The following SYPL2 variants were observed in gnomAD, a reference collection of about 807,000 sequenced individuals.
The protein encoded by SYPL2 is synaptophysin like 2.
Under a neutral mutation model 31.3 loss-of-function variants are expected in SYPL2, and 24 were observed. The observed-to-expected ratio is 0.77, with a 90% CI of 0.56 to 1.08. The LOEUF is 1.08. SYPL2 is among the 50% of genes least tolerant of loss of function. The pLI is 0.00. For synonymous variants in SYPL2, 144 were observed against 143.1 expected (o/e 1.01, Z -0.05); for missense variants, 342 against 360.1 (o/e 0.95, Z 0.41).
intron 2 of SYPL2, among the ~76,000 whole-genome samples, chr1:109,470,986 T>C (rs966180039): frequency 6.6e-6 from 1 of 152,232 alleles, no homozygotes; most frequent in African/African-American, 2.4e-5. Context: ...ATAGGTGTTA[T>C]TCGTCTTCAT....
intron 4 of SYPL2, among the ~76,000 whole-genome samples, chr1:109,477,571 G>A (rs1265535785): frequency 6.6e-6 from 1 of 152,134 alleles, no homozygotes; most frequent in Non-Finnish European, 1.5e-5. Flanking sequence ...GCTGACCAAC[G>A]ATGCCTTGGT....
rs1655655293 is a variant in SYPL2 at position 109,466,860 on chromosome 1, GCGCCGGCCGCA to G, written c.20_30del (p.Ala7GlyfsTer82). 1.3e-6 allele frequency: 2 copies of G among 1,528,888 alleles called. No individual in the cohort carries two copies. The highest frequency in any genetic ancestry group is 2.8e-5 in the African/African-American group (2 of 71,830). The allele number at this position is 1,528,888 out of a possible 1,614,324, so 94.7% of individuals were successfully genotyped here. A position where few individuals can be genotyped will look rare whatever the true frequency, so the allele number is the denominator to read the frequency against. On this transcript the variant is annotated frameshift_variant, in exon 1 of 6. Transcript: ENST00000369872. LOFTEE classifies it high-confidence loss of function. The stretch of plus-strand genomic sequence containing the variant: ...CGCGCCAGCATGTCCTCGACCGAGA[GCGCCGGCCGCA>G]CGGCGGACAAGTCGCCGCGCCAGCA...
At chr1:109,468,527 C>T (rs1359802065) in intron 2 of SYPL2, among the ~76,000 whole-genome samples, 3 of 152,162 alleles carry the variant, frequency 2.0e-5, no homozygotes, top group Non-Finnish European at 4.4e-5. Context: ...TGCCTTTGGC[C>T]CCTTCCCTGT....
At chr1:109,470,817 C>A (rs1392876615) in intron 2 of SYPL2, among the ~76,000 whole-genome samples, 1 of 152,206 alleles carries the variant, frequency 6.6e-6, no homozygotes, top group Non-Finnish European at 1.5e-5. Context: ...CCCCAAGGCA[C>A]AGAGCTACTC....
In SYPL2 at chr1:109,479,390, A is replaced by C; in HGVS notation, c.661A>C (p.Ile221Leu). 2 of 1,613,650 alleles carry C rather than the reference A, an allele frequency of 1.2e-6. No individual in the cohort carries two copies. Among genetic ancestry groups the C allele is most frequent in the Non-Finnish European group, 1.7e-6 (2 of 1,179,942 alleles). ...LANISVLFGF[I>L]NFFLWAGNCW... ...GATGTCTTTGCAGCTCTTTGGCTTT[A>C]TCAACTTCTTCCTGTGGGCCGGGAA... is the stretch of plus-strand genomic sequence containing the variant. The change falls in exon 6 of 6, where the codon ATC becomes CTC. Residue 221 changes from isoleucine (I) to leucine (L), a missense_variant. By Grantham distance (5) the Ile-to-Leu change is conservative. Transcript: ENST00000369872.
chr1:109,474,661 A>G (rs572583038), intron 2 of SYPL2, among the ~76,000 whole-genome samples: 2 of 152,214 alleles, frequency 1.3e-5, no homozygotes, highest in East Asian at 3.9e-4. Flanking sequence ...TTTTCTAACC[A>G]AAGTGTGTTT....
Position 109,478,157 on chromosome 1 carries a change from C to T in SYPL2, c.648+148C>T, listed in dbSNP as rs1656058842. 1 of 1,433,350 alleles carries T rather than the reference C, an allele frequency of 7.0e-7. No individual in the cohort carries two copies. The highest frequency in any genetic ancestry group is 1.4e-5 in the African/African-American group (1 of 69,834). 88.8% of individuals were successfully genotyped at this position (1,433,350 alleles called of 1,614,324 possible). The stretch of plus-strand genomic sequence containing the variant: ...GTGCCCTCACTGCGCTTCATGCTGG[C>T]TGCTGGCTCCTGGCTGACCCTGAGA... On this transcript the variant is annotated intron_variant, in intron 5 of 5. Coordinates refer to ENST00000369872, the MANE Select transcript of SYPL2 (RefSeq NM_001040709.2). The surrounding 1 kb of genome is among the most constrained non-coding windows in gnomAD (Gnocchi z 4.0).
intron 2 of SYPL2, among the ~76,000 whole-genome samples, chr1:109,474,302 T>C (rs1655926200): frequency 6.9e-6 from 1 of 145,586 alleles, no homozygotes. Flanking sequence ...CCTCCTTTTC[T>C]TTTTTCTTTT....
chr1:109,467,857 A>G (rs927665468), intron 2 of SYPL2, among the ~76,000 whole-genome samples: 2 of 152,230 alleles, frequency 1.3e-5, no homozygotes, highest in South Asian at 2.1e-4. Context: ...TTTTCCAGCT[A>G]TGTCACCTTG....
At chr1:109,477,027 G>A (rs1656022024) in intron 4 of SYPL2, 50 bp downstream of exon 4, 1 of 1,605,230 alleles carries the variant, frequency 6.2e-7, no homozygotes, top group Non-Finnish European at 8.5e-7. Flanking sequence ...AGATGTTTGT[G>A]AGGGGGTTGA....
chr1:109,475,830 A>G, intron 3 of SYPL2, 125 bp downstream of exon 3: 1 of 1,380,738 alleles, frequency 7.2e-7, no homozygotes. Context: ...TTCAAATAGA[A>G]TGACAAAACT....
chr1:109,477,267 A>G (rs55970404), intron 4 of SYPL2, among the ~76,000 whole-genome samples: 10,627 of 152,266 alleles, frequency 0.07, 473 homozygotes, highest in African/African-American at 0.11. Context: ...TTCCTTAACT[A>G]TAAAATGGGG....
In SYPL2 at chr1:109,467,092, C is replaced by T; in HGVS notation, c.88C>T (p.Arg30Trp). 1 of 1,545,080 alleles carries T rather than the reference C, an allele frequency of 6.5e-7. No individual in the cohort carries two copies. The change falls in exon 2 of 6, where the codon CGG becomes TGG. Residue 30 changes from arginine to tryptophan, a missense_variant. Arg to Trp is a moderately radical substitution (Grantham distance 101). Transcript: ENST00000369872. The part of the protein sequence containing the change: ...DRLLVGLRWR[R>W]LEEPLGFIKV... ...CCTACTCGTGGGGCTGCGCTGGCGGCGGCTGGAGGAGCCGCTGGGCTTCAT... is the reference window on the plus strand; with the variant it reads ...CCTACTCGTGGGGCTGCGCTGGCGGTGGCTGGAGGAGCCGCTGGGCTTCAT...
In SYPL2 at chr1:109,479,844, G is replaced by T; in HGVS notation, c.*296G>T. On this transcript the variant is annotated 3_prime_UTR_variant, in exon 6 of 6. Coordinates refer to ENST00000369872, the MANE Select transcript of SYPL2 (RefSeq NM_001040709.2). ...GTACCCTTACAGTCTCTGAGAACCAGCCTCTGCTGCAGGTGAGGGTTGGGG... is the reference window on the plus strand; with the variant it reads ...GTACCCTTACAGTCTCTGAGAACCATCCTCTGCTGCAGGTGAGGGTTGGGG... 1 of 351,732 alleles carries T rather than the reference G, an allele frequency of 2.8e-6. No individual in the cohort carries two copies. Among genetic ancestry groups the T allele is most frequent in the East Asian group, 4.8e-5 (1 of 20,760 alleles). The allele number at this position is 351,732 out of a possible 1,614,324, so 21.8% of individuals were successfully genotyped here. A position where few individuals can be genotyped will look rare whatever the true frequency, so the allele number is the denominator to read the frequency against.
At chr1:109,473,658 T>C (rs570580559) in intron 2 of SYPL2, among the ~76,000 whole-genome samples, 1 of 152,200 alleles carries the variant, frequency 6.6e-6, no homozygotes, top group South Asian at 2.1e-4. Context: ...TTTGGGAGGT[T>C]GAGGCGGGCG....
At chr1:109,477,222 C>A (rs1656029427) in intron 4 of SYPL2, among the ~76,000 whole-genome samples, 2 of 152,024 alleles carry the variant, frequency 1.3e-5, no homozygotes, top group African/African-American at 4.8e-5. Context: ...GCTGTGTGAT[C>A]TCGGACAAGT....
Position 109,477,863 on chromosome 1 carries a change from G to A in SYPL2, c.502G>A (p.Ala168Thr), listed in dbSNP as rs757240709. Residue 168 changes from alanine (A) to threonine (T), a missense_variant, in exon 5 of 6, where the codon GCA becomes ACA. Transcript: ENST00000369872. ...CTTCACCTTCTTCTGGCTGGTAGCT[G>A]CAGCTGCCTGGGGCAAGGGCCTGAC... The part of the protein sequence containing the change: ...VSFTFFWLVA[A>T]AAWGKGLTDV... 2.5e-6 allele frequency: 4 copies of A among 1,613,542 alleles called. No individual in the cohort carries two copies. In the African/African-American group the frequency reaches 5.3e-5, roughly 22 times the overall value.
chr1:109,472,732 C>T (rs1267362661), intron 2 of SYPL2, among the ~76,000 whole-genome samples: 2 of 151,524 alleles, frequency 1.3e-5, no homozygotes, highest in African/African-American at 4.9e-5. Context: ...CCCCATCAGC[C>T]TCCTGAGTAA....
intron 2 of SYPL2, among the ~76,000 whole-genome samples, chr1:109,471,269 T>C (rs2101000894): frequency 6.6e-6 from 1 of 152,342 alleles, no homozygotes; most frequent in South Asian, 2.1e-4. Flanking sequence ...CTCATTTTGC[T>C]CTGGTACCAT....
Sources: allele counts gnomAD v4.1 joint callset (sites outside exome capture counted in the v4.1 genomes callset), GRCh38; gene constraint gnomAD v4.1.1; non-coding constraint Gnocchi (gnomAD v3.1); transcripts MANE v1.5; gene names NCBI Gene and HGNC (gene_info 2026-07-23, HGNC 2026-07-21).